PPP6C: variants seen among roughly 807,000 people sequenced by gnomAD.
PPP6C encodes the protein serine/threonine-protein phosphatase 6 catalytic subunit.
PPP6C carries 11 observed loss-of-function variants against 39.8 expected under a neutral mutation model. The ratio of observed to expected loss-of-function variants is 0.28; its 90% CI spans 0.17 to 0.46. The LOEUF is 0.46. Among genes scored for constraint, PPP6C ranks in the 20% least tolerant of loss-of-function variants. PPP6C has a pLI of 1.00. For missense variants in PPP6C, 211 were observed against 373.9 expected (o/e 0.56, Z 3.59); for synonymous variants, 129 against 130.3 (o/e 0.99, Z 0.07).
rs368818734 is a variant in PPP6C, at chr9:125,149,837, G to A, written c.754C>T (p.Leu252=). The change falls in exon 7 of 7, where the codon CTG becomes TTG. Residue 252 remains leucine (L), a synonymous_variant. Transcript: ENST00000373547. ...TTAGGAGCAGACCATACTGTCACCAGCTTCTCATCAAACATAAATTTATAG... is the reference window on the plus strand; with the variant it reads ...TTAGGAGCAGACCATACTGTCACCAACTTCTCATCAAACATAAATTTATAG... ...EGYKFMFDEK[L]VTVWSAPNYC... is the part of the protein sequence containing the mutation. 5.0e-5 allele frequency: 80 copies of A among 1,614,050 alleles called. No homozygotes were observed. Among genetic ancestry groups the A allele is most frequent in the Non-Finnish European group, 6.4e-5 (75 of 1,180,024 alleles).
intron 4 of PPP6C, among the ~76,000 whole-genome samples, chr9:125,157,627 A>G (rs1016359413): frequency 6.6e-6 from 1 of 151,896 alleles, no homozygotes; most frequent in Non-Finnish European, 1.5e-5. Flanking sequence ...AGCAGATTCT[A>G]GATTCCCACT....
At chr9:125,159,036 GTTTTTTTTTTT>G (rs1176354960) in intron 3 of PPP6C, among the ~76,000 whole-genome samples, 4 of 117,984 alleles carry the variant, frequency 3.4e-5, no homozygotes, top group Admixed American at 1.9e-4. Flanking sequence ...TATTTTTTAA[GTTTTTTTTTTT>G]TTTTTTTTTA....
intron 1 of PPP6C, among the ~76,000 whole-genome samples, chr9:125,171,466 C>T (rs1829149422): frequency 1.2e-5 from 1 of 85,528 alleles, no homozygotes; most frequent in South Asian, 4.5e-4. Context: ...CATATACACA[C>T]ACACACACAC....
chr9:125,168,832 T>C (rs117691661), intron 2 of PPP6C, among the ~76,000 whole-genome samples: 2,294 of 147,282 alleles, frequency 0.016, 108 homozygotes, highest in East Asian at 0.085. Context: ...ATGATCTCGG[T>C]TCACTGCAAC....
intron 4 of PPP6C, among the ~76,000 whole-genome samples, chr9:125,156,142 A>G (rs113482801): frequency 6.6e-6 from 1 of 152,188 alleles, no homozygotes; most frequent in Non-Finnish European, 1.5e-5. Flanking sequence ...TGAAAATAAA[A>G]AGTCACCTGT....
intron 4 of PPP6C, among the ~76,000 whole-genome samples, chr9:125,155,798 G>T (rs1836054394): frequency 6.6e-6 from 1 of 151,826 alleles, no homozygotes; most frequent in Non-Finnish European, 1.5e-5. Context: ...CCAGCTACTT[G>T]GGAGGCGGAG....
chr9:125,174,969 A>C (rs1588291484), intron 1 of PPP6C, among the ~76,000 whole-genome samples: 1 of 152,088 alleles, frequency 6.6e-6, no homozygotes, highest in East Asian at 1.9e-4. Flanking sequence ...GCACTTTGGG[A>C]GGCCGAGGCA....
At chr9:125,187,553 A>C (rs887602690) in intron 1 of PPP6C, among the ~76,000 whole-genome samples, 1 of 151,894 alleles carries the variant, frequency 6.6e-6, no homozygotes, top group East Asian at 1.9e-4. Flanking sequence ...CCAAGTACTG[A>C]GATTACGCCA....
At chr9:125,176,235 G>C (rs1829295034) in intron 1 of PPP6C, among the ~76,000 whole-genome samples, 1 of 152,214 alleles carries the variant, frequency 6.6e-6, no homozygotes, top group Non-Finnish European at 1.5e-5. Flanking sequence ...AAGAAAAACA[G>C]GAGAGCATCA....
Position 125,149,444 on chromosome 9 carries a change from T to C in PPP6C, c.*229A>G, listed in dbSNP as rs1020226267. The C allele has an allele frequency of 1.7e-5, 8 of 465,802 alleles. No homozygotes were observed. Among genetic ancestry groups the C allele is most frequent in the African/African-American group, 1.6e-4 (8 of 50,672 alleles). 28.9% of individuals were successfully genotyped at this position (465,802 alleles called of 1,614,324 possible). On this transcript the variant is annotated 3_prime_UTR_variant, in exon 7 of 7. Coordinates refer to ENST00000373547, the MANE Select transcript of PPP6C (RefSeq NM_002721.5). The stretch of plus-strand genomic sequence containing the variant: ...GTATTAAGACATTTCTCAAGTCTTC[T>C]CAAATGAGTCCAGGGTGGGGATGGG...
rs146623746 is a variant in PPP6C, at chr9:125,173,038, A to C, written c.76-1858T>G. On this transcript the variant is annotated intron_variant, in intron 1 of 6. Coordinates refer to ENST00000373547, the MANE Select transcript of PPP6C (RefSeq NM_002721.5). ...TCGCCTGTAATCCCAGCATTTTGGG[A>C]GGCCAAAGTGGGTGGATCATTTGAG... is the stretch of plus-strand genomic sequence containing the variant. 8.0e-3 allele frequency among the ~76,000 whole-genome samples: 1,219 copies of C among 152,282 alleles called. 21 individuals are homozygous for C. The highest frequency in any genetic ancestry group is 0.027 in the African/African-American group (1,141 of 41,562).
intron 4 of PPP6C, among the ~76,000 whole-genome samples, chr9:125,157,981 A>C (rs1836122105): frequency 6.6e-6 from 1 of 151,728 alleles, no homozygotes; most frequent in African/African-American, 2.4e-5. Context: ...GAGCCACCCC[A>C]CCCGGCCGGC....
At chr9:125,189,500 G>T in intron 1 of PPP6C, 144 bp downstream of exon 1, 1 of 1,458,288 alleles carries the variant, frequency 6.9e-7, no homozygotes, top group Non-Finnish European at 9.0e-7. Flanking sequence ...TCGGCGTGAC[G>T]CCGGGTAGGA....
In PPP6C at chr9:125,147,878, T is replaced by C. The variant is rs1361336671; in HGVS notation, c.*1795A>G. ...TGTCTGCATCATTAATTTCCAGTGT[T>C]TCACAATTAGTAAAATACATAGCTA... is the stretch of plus-strand genomic sequence containing the variant. On this transcript the variant is annotated 3_prime_UTR_variant, in exon 7 of 7. Coordinates refer to ENST00000373547, the MANE Select transcript of PPP6C (RefSeq NM_002721.5). 1 of 185,240 alleles carries C rather than the reference T, an allele frequency of 5.4e-6. No individual in the cohort carries two copies. Among genetic ancestry groups the C allele is most frequent in the Non-Finnish European group, 1.1e-5 (1 of 88,222 alleles). The allele number at this position is 185,240 out of a possible 1,614,324, so 11.5% of individuals were successfully genotyped here.
At chr9:125,168,886 A>C (rs1427790864) in intron 2 of PPP6C, among the ~76,000 whole-genome samples, 5 of 151,560 alleles carry the variant, frequency 3.3e-5, no homozygotes, top group Non-Finnish European at 7.4e-5. Context: ...TCAGCCTCCC[A>C]AGTAGCTGGG....
intron 1 of PPP6C, among the ~76,000 whole-genome samples, chr9:125,174,117 T>C (rs1289694813): frequency 6.6e-6 from 1 of 152,214 alleles, no homozygotes; most frequent in African/African-American, 2.4e-5. Flanking sequence ...GACCAGTTTG[T>C]ACTATTGCCA....
intron 2 of PPP6C, among the ~76,000 whole-genome samples, chr9:125,170,153 G>T (rs780920754): frequency 2.6e-5 from 4 of 151,786 alleles, no homozygotes; most frequent in Non-Finnish European, 4.4e-5. Flanking sequence ...ATTTCCCAGT[G>T]AAAAAATTCT....
intron 1 of PPP6C, among the ~76,000 whole-genome samples, chr9:125,179,603 C>G (rs1361557776): frequency 6.6e-6 from 1 of 151,790 alleles, no homozygotes; most frequent in African/African-American, 2.4e-5. Context: ...ATGCTTTTCC[C>G]TAGACATGGG....
At chr9:125,160,145 A>G (rs751663062) in intron 3 of PPP6C, among the ~76,000 whole-genome samples, 8 of 152,202 alleles carry the variant, frequency 5.3e-5, no homozygotes, top group Non-Finnish European at 1.2e-4. Context: ...GCAAATGTGT[A>G]TGTGTGTATA....
Sources: allele counts gnomAD v4.1 joint callset (sites outside exome capture counted in the v4.1 genomes callset), GRCh38; gene constraint gnomAD v4.1.1; transcripts MANE v1.5; gene names NCBI Gene and HGNC (gene_info 2026-07-23, HGNC 2026-07-21).